Variants in MYO1E observed in about 807,000 individuals in gnomAD.
MYO1E encodes the protein myosin IE, also known as unconventional myosin-Ie.
MYO1E carries 68 observed loss-of-function variants against 151.1 expected under a neutral mutation model. That is an observed-to-expected ratio of 0.45 (90% CI 0.37 to 0.55). The LOEUF (loss-of-function observed/expected upper bound fraction) is 0.55, where lower values mean the gene tolerates loss of function less well. Ranked by LOEUF, MYO1E falls within the 20% of genes least tolerant of loss-of-function variation. MYO1E has a pLI of 0.00. For missense variants in MYO1E, 1,363 were observed against 1,389.3 expected, an observed-to-expected ratio of 0.98 and a Z score of 0.30; for synonymous variants, 601 against 501.7, an observed-to-expected ratio of 1.20 and a Z score of -2.64.
At chr15:59,272,144 T>A (rs1482424304) in intron 2 of MYO1E, 162 bp downstream of exon 2, 3 of 719,906 alleles carry the variant, frequency 4.2e-6, no homozygotes, top group Non-Finnish European at 7.2e-6. Context: ...ATAATAGAGA[T>A]GGGGTCTCCC....
chr15:59,183,691 A>G (rs1389057483), intron 18 of MYO1E, among the ~76,000 whole-genome samples: 2 of 152,164 alleles, frequency 1.3e-5, no homozygotes, highest in Non-Finnish European at 2.9e-5. Context: ...AAATCCAACT[A>G]TACTCTTTTA....
chr15:59,151,574 A>C (rs1248512965), intron 26 of MYO1E, among the ~76,000 whole-genome samples: 1 of 152,204 alleles, frequency 6.6e-6, no homozygotes, highest in Non-Finnish European at 1.5e-5. Context: ...TGTGGTCTTT[A>C]GAAGGAAGCT....
At chr15:59,230,821 T>G (rs1191465706) in intron 6 of MYO1E, among the ~76,000 whole-genome samples, 1 of 152,220 alleles carries the variant, frequency 6.6e-6, no homozygotes, top group Non-Finnish European at 1.5e-5. Flanking sequence ...TTCCCACTTA[T>G]TTATTTTAAA....
intron 1 of MYO1E, among the ~76,000 whole-genome samples, chr15:59,310,958 T>C (rs2080547516): frequency 6.6e-6 from 1 of 152,138 alleles, no homozygotes; most frequent in Admixed American, 6.6e-5. Flanking sequence ...CTCTCAAGTC[T>C]GGCCCCAACC....
At chr15:59,176,928 G>A (rs1190846625) in intron 19 of MYO1E, among the ~76,000 whole-genome samples, 2 of 152,088 alleles carry the variant, frequency 1.3e-5, no homozygotes, top group South Asian at 2.1e-4. Flanking sequence ...TGAATGTAAG[G>A]CAAGGAAAAG....
At chr15:59,262,050 A>T (rs1464100914) in intron 2 of MYO1E, among the ~76,000 whole-genome samples, 1 of 151,978 alleles carries the variant, frequency 6.6e-6, no homozygotes, top group East Asian at 1.9e-4. Flanking sequence ...AAAAATACAA[A>T]AATTAGCCAG....
At position 59,350,494 on chromosome 15, in the gene MYO1E, G is replaced by T. The variant is rs890421091; in HGVS notation, c.3+22004C>A. 1.3e-5 allele frequency among the ~76,000 whole-genome samples: 2 copies of T among 152,224 alleles called. No individual in the cohort carries two copies. The highest frequency in any genetic ancestry group is 4.8e-5 in the African/African-American group (2 of 41,454). On this transcript the variant is annotated intron_variant, in intron 1 of 27. Coordinates refer to ENST00000288235, the MANE Select transcript of MYO1E (RefSeq NM_004998.4). The surrounding 1 kb of genome is among the most constrained non-coding windows in gnomAD (Gnocchi z 5.0). Reference sequence around the variant, plus strand: ...ACCAGAAAAGACACAGGAGAATGTAGTGTCTGCCCTCAGAGACTACATGCA... The same window carrying T: ...ACCAGAAAAGACACAGGAGAATGTATTGTCTGCCCTCAGAGACTACATGCA...
At position 59,208,057 on chromosome 15, in the gene MYO1E, T is replaced by A. The variant is rs374912492; in HGVS notation, c.1530+624A>T. ...TCTGAAAAAAAGTGCAAAAACACTC[T>A]GGGAAATTCAGAATAAGCTTAAGCT... On this transcript the variant is annotated intron_variant, in intron 14 of 27. Coordinates refer to ENST00000288235, the MANE Select transcript of MYO1E (RefSeq NM_004998.4). 1.5e-5 allele frequency: 23 copies of A among 1,584,626 alleles called. No individual in the cohort carries two copies. The African/African-American group carries it at 2.9e-4, about 20-fold the overall frequency.
intron 14 of MYO1E, 89 bp downstream of exon 14, chr15:59,208,592 G>A (rs1596366295): frequency 3.4e-6 from 5 of 1,476,058 alleles, no homozygotes; most frequent in Admixed American, 3.3e-5. Flanking sequence ...AATAAAATAC[G>A]GCGAGCCATA....
At chr15:59,276,168 G>C (rs1244544567) in intron 1 of MYO1E, among the ~76,000 whole-genome samples, 6 of 152,162 alleles carry the variant, frequency 3.9e-5, no homozygotes, top group Admixed American at 3.9e-4. Flanking sequence ...GGCAGGTTTG[G>C]CTGCCATGTG....
At chr15:59,203,443 G>A (rs971335900) in intron 15 of MYO1E, among the ~76,000 whole-genome samples, 7 of 150,544 alleles carry the variant, frequency 4.6e-5, no homozygotes, top group African/African-American at 9.8e-5. Flanking sequence ...GCAGTGGCGC[G>A]ATCTTGGCTC....
intron 7 of MYO1E, among the ~76,000 whole-genome samples, chr15:59,225,215 C>T (rs1263045758): frequency 6.6e-6 from 1 of 152,208 alleles, no homozygotes; most frequent in Non-Finnish European, 1.5e-5. Context: ...CTCTCTGGTA[C>T]TCTTTGCCTT....
intron 1 of MYO1E, among the ~76,000 whole-genome samples, chr15:59,277,169 C>A (rs532171392): frequency 2.6e-5 from 4 of 152,282 alleles, no homozygotes; most frequent in African/African-American, 9.6e-5. Context: ...GTAAACTGCA[C>A]AGTATTTTTA....
intron 22 of MYO1E, among the ~76,000 whole-genome samples, chr15:59,165,557 T>C (rs758882066): frequency 2.0e-4 from 31 of 152,328 alleles, no homozygotes; most frequent in African/African-American, 4.1e-4. Flanking sequence ...GTTTAAACAA[T>C]AGACGGTTTT....
intron 1 of MYO1E, among the ~76,000 whole-genome samples, chr15:59,286,791 C>A (rs1274477893): frequency 6.6e-6 from 1 of 152,200 alleles, no homozygotes; most frequent in Non-Finnish European, 1.5e-5. Flanking sequence ...ATCTATGGCA[C>A]AGTGGCACCA....
rs754680460 is a variant in MYO1E at position 59,173,717 on chromosome 15, G to A, written c.2334+29C>T. ...TAAAAAAATAAGGAATCTGTTTGGT[G>A]ATCTCAGAGGCAGGCAGTTAGCACG... On this transcript the variant is annotated intron_variant, in intron 21 of 27. Coordinates refer to ENST00000288235, the MANE Select transcript of MYO1E (RefSeq NM_004998.4). 7 of 1,611,874 alleles carry A rather than the reference G, an allele frequency of 4.3e-6. No individual in the cohort carries two copies. In the African/African-American group the frequency reaches 9.3e-5, roughly 22 times the overall value.
At chr15:59,254,146 C>A (rs1360712190) in intron 4 of MYO1E, among the ~76,000 whole-genome samples, 1 of 152,034 alleles carries the variant, frequency 6.6e-6, no homozygotes, top group African/African-American at 2.4e-5. Context: ...CTTAGAGGCA[C>A]ATACTAATTA....
chr15:59,261,047 C>G (rs1004971713), intron 3 of MYO1E, among the ~76,000 whole-genome samples: 5 of 151,900 alleles, frequency 3.3e-5, no homozygotes, highest in Admixed American at 6.6e-5. Flanking sequence ...AATACCGTCT[C>G]TACTAAAAAT....
intron 25 of MYO1E, 106 bp from the exon 26 acceptor site, chr15:59,153,897 C>G (rs193089000): frequency 4.7e-6 from 5 of 1,071,360 alleles, no homozygotes; most frequent in Non-Finnish European, 7.1e-6. Flanking sequence ...TACTTAACTT[C>G]TGAGTCTCAA....
Sources: gnomAD v4.1 joint callset for allele counts (sites outside exome capture counted in the v4.1 genomes callset) on GRCh38, gnomAD v4.1.1 for gene constraint, Gnocchi (gnomAD v3.1) non-coding constraint, MANE v1.5 for transcripts, NCBI Gene and HGNC (gene_info 2026-07-23, HGNC 2026-07-21) for gene names.